RPAP3: variants seen among roughly 807,000 people sequenced by gnomAD.
RPAP3 encodes the protein RNA polymerase II associated protein 3, also known as RNA polymerase II-associated protein 3.
RPAP3 carries 58 observed loss-of-function variants against 88.8 expected under a neutral mutation model. The ratio of observed to expected loss-of-function variants is 0.65; its 90% CI spans 0.53 to 0.81. The LOEUF (loss-of-function observed/expected upper bound fraction) is 0.81, where lower values mean the gene tolerates loss of function less well. Among genes scored for constraint, RPAP3 ranks in the 40% least tolerant of loss-of-function variants. RPAP3 has a pLI of 0.00. For missense variants in RPAP3, 751 were observed against 764.3 expected (o/e 0.98, Z 0.20); for synonymous variants, 255 against 259.9 (o/e 0.98, Z 0.18).
intron 15 of RPAP3, among the ~76,000 whole-genome samples, chr12:47,667,298 G>A (rs1323964827): frequency 6.6e-6 from 1 of 152,104 alleles, no homozygotes; most frequent in African/African-American, 2.4e-5. Flanking sequence ...CTATTATTCT[G>A]TGAAAACACT....
At position 47,663,607 on chromosome 12, in the gene RPAP3, A is replaced by G. The variant is rs1421188401; in HGVS notation, c.1913-17T>C. 1 of 1,438,712 alleles carries G rather than the reference A, an allele frequency of 7.0e-7. No homozygotes were observed. Among genetic ancestry groups the G allele is most frequent in the Non-Finnish European group, 9.5e-7 (1 of 1,057,108 alleles). 89.1% of individuals were successfully genotyped at this position (1,438,712 alleles called of 1,614,324 possible). A position where few individuals can be genotyped will look rare whatever the true frequency, so the allele number is the denominator to read the frequency against. On this transcript the variant is annotated splice_polypyrimidine_tract_variant and intron_variant, in intron 16 of 16. Coordinates refer to ENST00000005386, the MANE Select transcript of RPAP3 (RefSeq NM_024604.3). ...CACGTGCAACTGAAAAAGAAAAAGAAATTCTCCATTTTAATCTCATTTTTT... is the reference window on the plus strand; with the variant it reads ...CACGTGCAACTGAAAAAGAAAAAGAGATTCTCCATTTTAATCTCATTTTTT...
At chr12:47,663,619 T>A (rs1565711138) in intron 16 of RPAP3, 29 bp from the exon 17 acceptor site, 1 of 1,357,936 alleles carries the variant, frequency 7.4e-7, no homozygotes, top group East Asian at 2.4e-5. Flanking sequence ...TTCTCCATTT[T>A]AATCTCATTT....
intron 9 of RPAP3, among the ~76,000 whole-genome samples, chr12:47,682,202 A>G (rs1390587664): frequency 6.6e-6 from 1 of 152,182 alleles, no homozygotes; most frequent in African/African-American, 2.4e-5. Flanking sequence ...ATTAACATTT[A>G]CCCACAGTAA....
rs531331721 is a variant in RPAP3, at chr12:47,696,969, C to A, written c.418-566G>T. 4.6e-5 allele frequency among the ~76,000 whole-genome samples: 7 copies of A among 152,238 alleles called. 1 individual carries two copies. In the South Asian group the frequency reaches 1.5e-3, roughly 32 times the overall value. On this transcript the variant is annotated intron_variant, in intron 4 of 16. Coordinates refer to ENST00000005386, the MANE Select transcript of RPAP3 (RefSeq NM_024604.3). ...GTACATGGTCACTGTATGGGTACAA[C>A]CCAAGAGCCCAGGCAGAAAAATGAG... is the stretch of plus-strand genomic sequence containing the variant.
chr12:47,686,927 T>C lies in RPAP3; in HGVS notation c.865-20A>G, dbSNP rs774768209. On this transcript the variant is annotated intron_variant, in intron 8 of 16. Coordinates refer to ENST00000005386, the MANE Select transcript of RPAP3 (RefSeq NM_024604.3). ...ATTCCCCTGTTATTTTGTAGAGAGA[T>C]ATGGAGAATAAAAAAAAAATTTCAA... The C allele has an allele frequency of 6.7e-7, 1 of 1,501,850 alleles. No individual in the cohort carries two copies. The highest frequency in any genetic ancestry group is 9.0e-7 in the Non-Finnish European group (1 of 1,110,504). 93.0% of individuals were successfully genotyped at this position (1,501,850 alleles called of 1,614,324 possible).
chr12:47,663,681 A>C (rs1241190774), intron 16 of RPAP3, 91 bp from the exon 17 acceptor site: 5 of 702,676 alleles, frequency 7.1e-6, no homozygotes, highest in Non-Finnish European at 1.1e-5. Context: ...TTTGTCAAAA[A>C]CATTTTACAT....
intron 10 of RPAP3, 124 bp from the exon 11 acceptor site, chr12:47,679,898 T>C (rs1939189822): frequency 1.5e-6 from 1 of 653,020 alleles, no homozygotes; most frequent in Admixed American, 2.8e-5. Flanking sequence ...TTACTCAGAT[T>C]ACTAGGAAAC....
chr12:47,678,002 T>C (rs1939150459), intron 12 of RPAP3, among the ~76,000 whole-genome samples: 1 of 152,154 alleles, frequency 6.6e-6, no homozygotes, highest in Admixed American at 6.5e-5. Context: ...CAAACTATAC[T>C]AGAAGACTAC....
At chr12:47,668,407 T>C (rs1938928002) in intron 14 of RPAP3, among the ~76,000 whole-genome samples, 1 of 152,150 alleles carries the variant, frequency 6.6e-6, no homozygotes, top group Admixed American at 6.5e-5. Flanking sequence ...GCAATAAATA[T>C]AACTAGAGAT....
intron 7 of RPAP3, 77 bp from the exon 8 acceptor site, chr12:47,688,078 A>G (rs1013196262): frequency 1.7e-5 from 20 of 1,211,124 alleles, no homozygotes; most frequent in Non-Finnish European, 1.9e-5. Context: ...AAACATAAAT[A>G]CCTCAAATAT....
Position 47,696,346 on chromosome 12 carries a change from CT to C in RPAP3, c.474del (p.Gly159AlafsTer22). 2 of 1,600,676 alleles carry C rather than the reference CT, an allele frequency of 1.2e-6. No homozygotes were observed. The highest frequency in any genetic ancestry group is 8.5e-7 in the Non-Finnish European group (1 of 1,172,584). On this transcript the variant is annotated frameshift_variant, in exon 5 of 17. Transcript: ENST00000005386. LOFTEE classifies it high-confidence loss of function. ...KYDEAIDCYTKGMDADPYNPV... is the reference protein window; with the variant it reads ...KYDEAIDCYTXGMDADPYNPV... ...GGATTATATGGATCGGCATCCATGC[CT>C]TTTGTGTAGCAGTCAATTGCTTCAT...
intron 5 of RPAP3, among the ~76,000 whole-genome samples, chr12:47,695,426 T>C (rs527487476): frequency 6.6e-6 from 1 of 152,060 alleles, no homozygotes; most frequent in Non-Finnish European, 1.5e-5. Context: ...ATCAAAAGGA[T>C]GACAAATATA....
At chr12:47,671,439 G>C (rs1311363703) in intron 12 of RPAP3, among the ~76,000 whole-genome samples, 2 of 152,094 alleles carry the variant, frequency 1.3e-5, no homozygotes, top group Non-Finnish European at 2.9e-5. Flanking sequence ...GTAAATATAA[G>C]CACTTCTTCT....
At chr12:47,671,906 A>G (rs951062556) in intron 12 of RPAP3, among the ~76,000 whole-genome samples, 2 of 152,150 alleles carry the variant, frequency 1.3e-5, no homozygotes, top group African/African-American at 4.8e-5. Flanking sequence ...AGAACTTAAG[A>G]AAATATGAAA....
chr12:47,672,780 G>A (rs560416785), intron 12 of RPAP3, among the ~76,000 whole-genome samples: 93 of 152,114 alleles, frequency 6.1e-4, no homozygotes, highest in African/African-American at 2.1e-3. Flanking sequence ...TTGTCATATT[G>A]CCATAGAGAT....
intron 14 of RPAP3, among the ~76,000 whole-genome samples, chr12:47,668,497 T>C (rs564961525): frequency 2.6e-5 from 4 of 152,210 alleles, no homozygotes; most frequent in Non-Finnish European, 5.9e-5. Context: ...GTTACTCTCA[T>C]TACACTTGAA....
In RPAP3 at chr12:47,663,554, C is replaced by T. The variant is rs1277842487; in HGVS notation, c.1949G>A (p.Gly650Glu). 6.3e-7 allele frequency: 1 copy of T among 1,587,796 alleles called. No homozygotes were observed. Among genetic ancestry groups the T allele is most frequent in the Non-Finnish European group, 8.6e-7 (1 of 1,168,194 alleles). Reference protein sequence around the residue: ...RALFNHIDKSGLKDSSVEELK... With the variant: ...RALFNHIDKSELKDSSVEELK... ...TTCTTCGACAGAACTATCCTTCAATCCTGACTTGTCTATGTGATTAAATAA... is the reference window on the plus strand; with the variant it reads ...TTCTTCGACAGAACTATCCTTCAATTCTGACTTGTCTATGTGATTAAATAA... Residue 650 changes from glycine (G) to glutamate (E), a missense_variant, in exon 17 of 17, where the codon GGA becomes GAA. Gly to Glu is a moderately conservative substitution (Grantham distance 98, BLOSUM62 -2). Transcript: ENST00000005386.
At position 47,702,701 on chromosome 12, in the gene RPAP3, C is replaced by A; in HGVS notation, c.140G>T (p.Gly47Val). ...QKDMELRRQNGVPEENLPPIR... is the reference protein window; with the variant it reads ...QKDMELRRQNVVPEENLPPIR... ...TTCTTAATTTACCTCTTCAGGAACA[C>A]CATTCTGTCTTCTTAGTTCCATATC... The change falls in exon 2 of 17, where the codon GGT becomes GTT. Residue 47 changes from glycine to valine, a missense_variant. Gly to Val is a moderately radical substitution (Grantham distance 109). Coordinates refer to ENST00000005386, the MANE Select transcript of RPAP3 (RefSeq NM_024604.3). The A allele has an allele frequency of 6.3e-7, 1 of 1,590,582 alleles. No individual in the cohort carries two copies. The highest frequency in any genetic ancestry group is 8.6e-7 in the Non-Finnish European group (1 of 1,169,022).
chr12:47,686,578 T>C (rs551669163), intron 9 of RPAP3, among the ~76,000 whole-genome samples: 25 of 86,202 alleles, frequency 2.9e-4, no homozygotes, highest in Non-Finnish European at 5.9e-4. Context: ...ACACACACAC[T>C]ACTTTTCCCC....
Sources: allele counts gnomAD v4.1 joint callset (sites outside exome capture counted in the v4.1 genomes callset), GRCh38; gene constraint gnomAD v4.1.1; transcripts MANE v1.5; gene names NCBI Gene and HGNC (gene_info 2026-07-23, HGNC 2026-07-21).